The following RAPGEF1 variants were observed in gnomAD, a reference collection of about 807,000 sequenced individuals.
The protein encoded by RAPGEF1 is Rap guanine nucleotide exchange factor 1, also known as CRK SH3-binding GNRP.
Under a neutral mutation model 143.3 loss-of-function variants are expected in RAPGEF1, and 33 were observed. The ratio of observed to expected loss-of-function variants is 0.23; its 90% CI spans 0.17 to 0.31. The LOEUF (loss-of-function observed/expected upper bound fraction) is 0.31, where lower values mean the gene tolerates loss of function less well. Among genes scored for constraint, RAPGEF1 ranks in the 10% least tolerant of loss-of-function variants. RAPGEF1 has a pLI of 1.00. For synonymous variants in RAPGEF1, 629 were observed against 676.5 expected (o/e 0.93, Z 1.09); for missense variants, 1,199 against 1,645.4 (o/e 0.73, Z 4.69).
At chr9:131,720,812 C>T (rs1281373226) in intron 1 of RAPGEF1, among the ~76,000 whole-genome samples, 3 of 152,136 alleles carry the variant, frequency 2.0e-5, no homozygotes, top group Non-Finnish European at 4.4e-5. Flanking sequence ...AATCTCTGTC[C>T]AAGTTAACCA....
intron 5 of RAPGEF1, 82 bp downstream of exon 5, chr9:131,638,553 G>A: frequency 1.3e-6 from 2 of 1,502,790 alleles, no homozygotes; most frequent in Non-Finnish European, 1.8e-6. Context: ...TGAAGGTCAG[G>A]AGCAAGCTCT....
rs761686123 is a variant in RAPGEF1 at position 131,629,175 on chromosome 9, G to A, written c.820C>T (p.Leu274Phe). The A allele has an allele frequency of 1.2e-6, 2 of 1,613,930 alleles. No homozygotes were observed. The highest frequency in any genetic ancestry group is 1.7e-6 in the Non-Finnish European group (2 of 1,179,908). The change falls in exon 7 of 27, where the codon CTC (leucine) becomes TTC (phenylalanine). Residue 274 changes from leucine (L) to phenylalanine (F), a missense_variant. By Grantham distance (22) the Leu-to-Phe change is conservative. This residue lies in a region of RAPGEF1 where 613 missense variants were observed against 710.9 expected (regional missense o/e 0.86). Coordinates refer to ENST00000683357, the MANE Select transcript of RAPGEF1 (RefSeq NM_001377935.1). ...ACCTCTTCATCCGTGGCATCTGGGA[G>A]GAGCTCAGTTGACTGTGACATCCCA... is the stretch of plus-strand genomic sequence containing the variant. ...TTGMSQSTEL[L>F]PDATDEEVAP...
Position 131,602,130 on chromosome 9 carries a change from T to C in RAPGEF1, c.2432A>G (p.Asp811Gly). 1 of 1,596,012 alleles carries C rather than the reference T, an allele frequency of 6.3e-7. No individual in the cohort carries two copies. The highest frequency in any genetic ancestry group is 8.5e-7 in the Non-Finnish European group (1 of 1,172,028). Residue 811 changes from aspartate (D) to glycine (G), a missense_variant, in exon 15 of 27, where the codon GAC (aspartate) becomes GGC (glycine). Physicochemically the swap from Asp to Gly is moderately conservative, Grantham distance 94. Coordinates refer to ENST00000683357, the MANE Select transcript of RAPGEF1 (RefSeq NM_001377935.1). Reference protein sequence around the residue: ...PSRGEPPAGKDGHPRDPSAVS... With the variant: ...PSRGEPPAGKGGHPRDPSAVS... ...CGCTGAGGGATCTCTGGGATGTCCG[T>C]CTTTCCCAGCCGGTGGCTCCTGGAA...
At chr9:131,708,253 G>GCTA (rs1835225618) in intron 1 of RAPGEF1, among the ~76,000 whole-genome samples, 1 of 152,124 alleles carries the variant, frequency 6.6e-6, no homozygotes, top group Admixed American at 6.5e-5. Context: ...AAACTGTCTT[G>GCTA]CTACTGATCA....
intron 1 of RAPGEF1, 117 bp from the exon 2 acceptor site, chr9:131,651,066 G>A: frequency 7.8e-7 from 1 of 1,286,528 alleles, no homozygotes; most frequent in Non-Finnish European, 1.1e-6. Context: ...GCTGTTGAGA[G>A]TTTCAAGGGA....
chr9:131,602,193 GC>G, intron 14 of RAPGEF1, 44 bp from the exon 15 acceptor site: 1 of 1,432,690 alleles, frequency 7.0e-7, no homozygotes, highest in Non-Finnish European at 9.6e-7. Context: ...GGGGCCCTCT[GC>G]GGGGCTGCTC....
intron 1 of RAPGEF1, among the ~76,000 whole-genome samples, chr9:131,715,090 T>C (rs1835769171): frequency 6.6e-6 from 1 of 152,058 alleles, no homozygotes; most frequent in African/African-American, 2.4e-5. Context: ...TCGAATGTCA[T>C]AGGAAATACA....
chr9:131,691,783 A>G (rs1016672805), intron 1 of RAPGEF1, among the ~76,000 whole-genome samples: 1 of 152,188 alleles, frequency 6.6e-6, no homozygotes, highest in African/African-American at 2.4e-5. Flanking sequence ...AATTAATTAC[A>G]TGAGACAGAA....
At chr9:131,606,741 G>A (rs1002546431) in intron 12 of RAPGEF1, among the ~76,000 whole-genome samples, 2 of 152,058 alleles carry the variant, frequency 1.3e-5, no homozygotes, top group Non-Finnish European at 2.9e-5. Flanking sequence ...CTCCCACCTC[G>A]GGTTCCTGAG....
rs560853623 is a variant in RAPGEF1, at chr9:131,591,745, G to A, written c.2774+354C>T. Among the ~76,000 whole-genome samples, 5 of 152,352 alleles carry A rather than the reference G, an allele frequency of 3.3e-5. No individual in the cohort carries two copies. The South Asian group carries it at 6.2e-4, about 19-fold the overall frequency. Reference sequence around the variant, plus strand: ...CCGACCATGAGGGTCTCTCAGAGGCGTCTGCAGGACCGGCACACTTACCCC... The same window carrying A: ...CCGACCATGAGGGTCTCTCAGAGGCATCTGCAGGACCGGCACACTTACCCC... On this transcript the variant is annotated intron_variant, in intron 18 of 26. Transcript: ENST00000683357.
At chr9:131,733,432 G>A (rs1011799895) in intron 1 of RAPGEF1, among the ~76,000 whole-genome samples, 2 of 150,526 alleles carry the variant, frequency 1.3e-5, no homozygotes, top group Admixed American at 6.6e-5. Context: ...ACAGAGGAGC[G>A]CTCCTTTTGA....
At chr9:131,586,140 G>A (rs891697401) in intron 22 of RAPGEF1, among the ~76,000 whole-genome samples, 2 of 152,008 alleles carry the variant, frequency 1.3e-5, no homozygotes, top group Non-Finnish European at 2.9e-5. Context: ...AGCTTGCAGT[G>A]AGCCGAGATT....
At chr9:131,611,755 G>T (rs754778166) in intron 12 of RAPGEF1, among the ~76,000 whole-genome samples, 2 of 152,156 alleles carry the variant, frequency 1.3e-5, no homozygotes, top group Non-Finnish European at 2.9e-5. Context: ...GCTACACTTT[G>T]TAACATGTCA....
intron 3 of RAPGEF1, among the ~76,000 whole-genome samples, chr9:131,649,026 T>G (rs1312476923): frequency 6.6e-6 from 1 of 151,958 alleles, no homozygotes; most frequent in Non-Finnish European, 1.5e-5. Context: ...CATTGCTAAG[T>G]TTAGTTTTAT....
intron 25 of RAPGEF1, among the ~76,000 whole-genome samples, chr9:131,580,823 T>A (rs1951757983): frequency 6.6e-6 from 1 of 151,994 alleles, no homozygotes; most frequent in Admixed American, 6.6e-5. Context: ...TATAGGAGGC[T>A]AAGGCAGGAG....
chr9:131,727,832 C>T (rs1037794455), intron 1 of RAPGEF1, among the ~76,000 whole-genome samples: 1 of 152,112 alleles, frequency 6.6e-6, no homozygotes, highest in Non-Finnish European at 1.5e-5. Context: ...AAGGACAGAT[C>T]ATGCAGAAAA....
intron 1 of RAPGEF1, among the ~76,000 whole-genome samples, chr9:131,661,895 T>C (rs186563260): frequency 6.6e-6 from 1 of 152,366 alleles, no homozygotes; most frequent in Admixed American, 6.5e-5. Flanking sequence ...TCTTAGGATC[T>C]TAAATCACCA....
chr9:131,585,773 T>C (rs1588175788), intron 22 of RAPGEF1, among the ~76,000 whole-genome samples: 1 of 151,930 alleles, frequency 6.6e-6, no homozygotes, highest in East Asian at 1.9e-4. Flanking sequence ...GCACAGCTGC[T>C]GAGCTCTAGG....
intron 1 of RAPGEF1, among the ~76,000 whole-genome samples, chr9:131,720,665 G>A (rs1836199570): frequency 6.6e-6 from 1 of 152,128 alleles, no homozygotes; most frequent in African/African-American, 2.4e-5. Flanking sequence ...TTATCAATTT[G>A]TCACAAACAT....
Sources: gnomAD v4.1 joint callset for allele counts (sites outside exome capture counted in the v4.1 genomes callset) on GRCh38, gnomAD v4.1.1 for gene constraint, gnomAD v4.1.1 regional missense constraint, MANE v1.5 for transcripts, NCBI Gene and HGNC (gene_info 2026-07-23, HGNC 2026-07-21) for gene names.